Variants in LMX1B observed in about 807,000 individuals in gnomAD.
The protein encoded by LMX1B is LIM homeobox transcription factor 1-beta.
A neutral mutation model predicts 51.4 loss-of-function variants in LMX1B; 12 were observed. The observed-to-expected ratio is 0.23, with a 90% confidence interval of 0.15 to 0.38. The LOEUF is 0.38. LMX1B is among the 10% of genes least tolerant of loss of function. The pLI is 1.00. For synonymous variants in LMX1B, 237 were observed against 235.4 expected, an observed-to-expected ratio of 1.01 and a Z score of -0.06; for missense variants, 445 against 571.1, an observed-to-expected ratio of 0.78 and a Z score of 2.25.
rs1056283574 is a variant in LMX1B, at chr9:126,699,399, A to G, written c.*2948A>G. On this transcript the variant is annotated 3_prime_UTR_variant, in exon 8 of 8. Coordinates refer to ENST00000373474, the MANE Select transcript of LMX1B (RefSeq NM_001174147.2). Reference sequence around the variant, plus strand: ...ACATATTCCCATTCTGGGGCCTCACAAACCCCCGAATCCAGCCGGGACCCC... The same window carrying G: ...ACATATTCCCATTCTGGGGCCTCACGAACCCCCGAATCCAGCCGGGACCCC... The G allele has an allele frequency of 8.5e-5, 13 of 152,206 alleles. No homozygotes were observed. Among genetic ancestry groups the G allele is most frequent in the African/African-American group, 3.1e-4 (13 of 41,434 alleles). The allele number at this position is 152,206 out of a possible 1,614,324, so 9.4% of individuals were successfully genotyped here. A position where few individuals can be genotyped will look rare whatever the true frequency, so the allele number is the denominator to read the frequency against.
rs773048475 is a variant in LMX1B, at chr9:126,696,495, G to A, written c.*44G>A. The A allele has an allele frequency of 1.2e-6, 2 of 1,608,932 alleles. No homozygotes were observed. Among genetic ancestry groups the A allele is most frequent in the Admixed American group, 1.7e-5 (1 of 59,954 alleles). On this transcript the variant is annotated 3_prime_UTR_variant, in exon 8 of 8. Transcript: ENST00000373474. The stretch of plus-strand genomic sequence containing the variant: ...GACGCTTGGGCAGGGGCCTGGGGGG[G>A]ACTGCCAGCCTCTGCGGCCAGCCTG...
chr9:126,691,287 C>T (rs1305927223), intron 3 of LMX1B, among the ~76,000 whole-genome samples: 3 of 152,142 alleles, frequency 2.0e-5, no homozygotes, highest in Non-Finnish European at 4.4e-5. Flanking sequence ...CTGAGACCTA[C>T]GCATCCATAC....
At chr9:126,630,398 A>T (rs549955599) in intron 2 of LMX1B, among the ~76,000 whole-genome samples, 1 of 152,198 alleles carries the variant, frequency 6.6e-6, no homozygotes, top group East Asian at 1.9e-4. Flanking sequence ...CTTGGCCTGA[A>T]CAACTCTCCT....
intron 2 of LMX1B, among the ~76,000 whole-genome samples, chr9:126,654,652 C>T (rs571008881): frequency 2.6e-5 from 4 of 152,338 alleles, no homozygotes; most frequent in African/African-American, 9.6e-5. Context: ...TGTCTTCTCC[C>T]AGTGACTCCA....
At chr9:126,632,607 G>T (rs1256284166) in intron 2 of LMX1B, among the ~76,000 whole-genome samples, 1 of 152,220 alleles carries the variant, frequency 6.6e-6, no homozygotes, top group Non-Finnish European at 1.5e-5. Context: ...GGATTAGACC[G>T]GCGGGAGGAG....
At position 126,625,211 on chromosome 9, in the gene LMX1B, C is replaced by T. The variant is rs890214195; in HGVS notation, c.326+9642C>T. Reference sequence around the variant, plus strand: ...GAGGGGGCTCCGGCCCTGTAGCCCCCTGACGCTTTTCGTTTCCGAGCGCGC... The same window carrying T: ...GAGGGGGCTCCGGCCCTGTAGCCCCTTGACGCTTTTCGTTTCCGAGCGCGC... On this transcript the variant is annotated intron_variant, in intron 2 of 7. Transcript: ENST00000373474. This position sits in a 1 kb window ranked among gnomAD's most constrained non-coding sequence, Gnocchi z 5.3. 1.2e-4 allele frequency among the ~76,000 whole-genome samples: 19 copies of T among 152,370 alleles called. No homozygotes were observed. The highest frequency in any genetic ancestry group is 3.4e-3 in the Middle Eastern group (1 of 294).
chr9:126,664,121 C>A (rs1272628116), intron 2 of LMX1B, among the ~76,000 whole-genome samples: 1 of 152,152 alleles, frequency 6.6e-6, no homozygotes, highest in Non-Finnish European at 1.5e-5. Flanking sequence ...CCTGTCCAGC[C>A]AGCCCTCGTC....
chr9:126,656,831 C>T (rs1836127541), intron 2 of LMX1B, among the ~76,000 whole-genome samples: 1 of 152,244 alleles, frequency 6.6e-6, no homozygotes, highest in African/African-American at 2.4e-5. Flanking sequence ...CAGGATGCCA[C>T]TGGCACCGCA....
Position 126,693,381 on chromosome 9 carries a change from T to C in LMX1B, c.741+58T>C, listed in dbSNP as rs549900417. 37 of 1,564,200 alleles carry C rather than the reference T, an allele frequency of 2.4e-5. No homozygotes were observed. The Admixed American group carries it at 3.0e-4, about 13-fold the overall frequency. ...GATGCCCGCACACCCACTGCCTTTC[T>C]GGAGACCACCCCCTGCTCCTGCTGG... On this transcript the variant is annotated intron_variant, in intron 4 of 7. Transcript: ENST00000373474.
In LMX1B at chr9:126,693,618, C is replaced by G; in HGVS notation, c.819+17C>G. On this transcript the variant is annotated intron_variant, in intron 5 of 7. Coordinates refer to ENST00000373474, the MANE Select transcript of LMX1B (RefSeq NM_001174147.2). ...AGAGCAAAGGTAAGAGGCCACCCCC[C>G]ATCCCCACTGGCCCCGGGTAGGGTG... The G allele has an allele frequency of 1.2e-6, 2 of 1,613,826 alleles. No individual in the cohort carries two copies. The highest frequency in any genetic ancestry group is 1.7e-6 in the Non-Finnish European group (2 of 1,179,728).
rs918867898 is a variant in LMX1B, at chr9:126,636,671, A to G, written c.326+21102A>G. ...TTCAAGTGTGTGCACCCTAGTGCAC[A>G]CGACTGCAAGTACACGTGTGCGTAG... On this transcript the variant is annotated intron_variant, in intron 2 of 7. Coordinates refer to ENST00000373474, the MANE Select transcript of LMX1B (RefSeq NM_001174147.2). Among the ~76,000 whole-genome samples, 7 of 152,204 alleles carry G rather than the reference A, an allele frequency of 4.6e-5. No individual in the cohort carries two copies. In the East Asian group the frequency reaches 1.3e-3, roughly 29 times the overall value.
intron 2 of LMX1B, among the ~76,000 whole-genome samples, chr9:126,644,964 C>T (rs1367867646): frequency 6.6e-6 from 1 of 152,174 alleles, no homozygotes; most frequent in Non-Finnish European, 1.5e-5. Context: ...CCTGCCCTCC[C>T]AGCCCACCTG....
chr9:126,693,329 G>T lies in LMX1B; in HGVS notation c.741+6G>T. 6.3e-7 allele frequency: 1 copy of T among 1,586,564 alleles called. No homozygotes were observed. Among genetic ancestry groups the T allele is most frequent in the East Asian group, 2.3e-5 (1 of 43,098 alleles). ...CGTCGAAGCCTTGCCGAAAGGTGAG[G>T]GGCGGCCGGGGGGCGGGGCTCAGGC... On this transcript the variant is annotated splice_donor_region_variant and intron_variant, in intron 4 of 7. Transcript: ENST00000373474.
intron 2 of LMX1B, among the ~76,000 whole-genome samples, chr9:126,651,217 G>T (rs1293390859): frequency 1.3e-5 from 2 of 152,052 alleles, no homozygotes; most frequent in African/African-American, 4.8e-5. Flanking sequence ...ATCCCGGGCA[G>T]AGGCTGCTCC....
Position 126,623,857 on chromosome 9 carries a change from G to C in LMX1B, c.326+8288G>C, listed in dbSNP as rs756742131. On this transcript the variant is annotated intron_variant, in intron 2 of 7. Coordinates refer to ENST00000373474, the MANE Select transcript of LMX1B (RefSeq NM_001174147.2). Reference sequence around the variant, plus strand: ...GGCGGGAGAGCTTCCTTCGACGTCCGGACACGCGGATGGGGCGGCTTTCAG... The same window carrying C: ...GGCGGGAGAGCTTCCTTCGACGTCCCGACACGCGGATGGGGCGGCTTTCAG... Among the ~76,000 whole-genome samples the C allele has an allele frequency of 5.3e-5, 8 of 152,286 alleles. No individual in the cohort carries two copies. In the South Asian group the frequency reaches 1.5e-3, roughly 28 times the overall value.
In LMX1B at chr9:126,695,823, C is replaced by T; in HGVS notation, c.887-16C>T. ...CGTGGACCAGGCCAGGGGGTGAAGG[C>T]TCACTGTGCCCCCAGAGGTCCTGTC... On this transcript the variant is annotated splice_polypyrimidine_tract_variant and intron_variant, in intron 6 of 7. Transcript: ENST00000373474. This position sits in a 1 kb window ranked among gnomAD's most constrained non-coding sequence, Gnocchi z 5.2. 6.2e-7 allele frequency: 1 copy of T among 1,611,988 alleles called. No homozygotes were observed.
chr9:126,676,450 T>G (rs1047808756), intron 2 of LMX1B, among the ~76,000 whole-genome samples: 1 of 152,130 alleles, frequency 6.6e-6, no homozygotes, highest in Non-Finnish European at 1.5e-5. Context: ...TTTGGGGGAA[T>G]GGATGAAGTG....
intron 2 of LMX1B, among the ~76,000 whole-genome samples, chr9:126,682,571 C>T (rs1467393735): frequency 6.6e-6 from 1 of 152,232 alleles, no homozygotes; most frequent in Non-Finnish European, 1.5e-5. Flanking sequence ...CGCCTCCAGA[C>T]AGCGCCGGCC....
At chr9:126,665,281 C>T (rs1267265094) in intron 2 of LMX1B, among the ~76,000 whole-genome samples, 1 of 152,204 alleles carries the variant, frequency 6.6e-6, no homozygotes, top group Non-Finnish European at 1.5e-5. Context: ...CTGGCACGGC[C>T]ATTGTTGGGC....
Sources: gnomAD v4.1 joint callset for allele counts (sites outside exome capture counted in the v4.1 genomes callset) on GRCh38, gnomAD v4.1.1 for gene constraint, Gnocchi (gnomAD v3.1) non-coding constraint, MANE v1.5 for transcripts, NCBI Gene and HGNC (gene_info 2026-07-23, HGNC 2026-07-21) for gene names.